P4HA1: variants seen among roughly 807,000 people sequenced by gnomAD.
The protein encoded by P4HA1 is prolyl 4-hydroxylase subunit alpha-1.
A neutral mutation model predicts 72.8 loss-of-function variants in P4HA1; 24 were observed. The observed-to-expected ratio is 0.33, with a 90% CI of 0.24 to 0.46. P4HA1 has a LOEUF of 0.46. Among genes scored for constraint, P4HA1 ranks in the 20% least tolerant of loss-of-function variants. P4HA1 has a pLI of 1.00. For synonymous variants in P4HA1, 201 were observed against 218.8 expected, an observed-to-expected ratio of 0.92 and a Z score of 0.72; for missense variants, 446 against 640.6, an observed-to-expected ratio of 0.70 and a Z score of 3.28.
At chr10:73,074,649 A>G (rs1263812793) in intron 2 of P4HA1, among the ~76,000 whole-genome samples, 159 bp downstream of exon 2, 3 of 152,178 alleles carry the variant, frequency 2.0e-5, no homozygotes, top group Non-Finnish European at 2.9e-5. Flanking sequence ...ATAAAAAATA[A>G]AGAAAATGTC....
chr10:73,074,090 A>C, intron 2 of P4HA1: 1 of 338,976 alleles, frequency 3.0e-6, no homozygotes, highest in Non-Finnish European at 5.3e-6. Context: ...TATATCTACA[A>C]ATGTATTTTT....
At chr10:73,021,672 A>C (rs1840138800) in intron 10 of P4HA1, among the ~76,000 whole-genome samples, 1 of 152,230 alleles carries the variant, frequency 6.6e-6, no homozygotes, top group South Asian at 2.1e-4. Context: ...AGAATGAGCC[A>C]AAGCAGGGCG....
At chr10:73,059,875 T>TTCAA (rs1841271353) in intron 5 of P4HA1, among the ~76,000 whole-genome samples, 1 of 150,080 alleles carries the variant, frequency 6.7e-6, no homozygotes, top group Admixed American at 6.6e-5. Context: ...AGCCCAGGAG[T>TTCAA]TCAAGGCTGC....
intron 9 of P4HA1, among the ~76,000 whole-genome samples, chr10:73,034,297 A>G (rs936044401): frequency 1.3e-5 from 2 of 150,298 alleles, no homozygotes; most frequent in African/African-American, 2.5e-5. Context: ...TAAAATATAT[A>G]TAACAGCAAT....
intron 10 of P4HA1, among the ~76,000 whole-genome samples, chr10:73,025,590 A>C (rs1039968276): frequency 6.6e-6 from 1 of 151,850 alleles, no homozygotes; most frequent in Non-Finnish European, 1.5e-5. Context: ...CCTATTCAAC[A>C]TAGTGTTGGA....
rs869244017 is a variant in P4HA1 at position 73,058,090 on chromosome 10, G to GAAA, written c.464-4503_464-4501dup. On this transcript the variant is annotated intron_variant, in intron 5 of 14. Coordinates refer to ENST00000394890, the MANE Select transcript of P4HA1 (RefSeq NM_001017962.3). ...GGGTGACAGAGCAAGACTCCGTCCA[G>GAAA]AAAAAAAAAAAAAAAAAAAAAAAAA... 7.8e-4 allele frequency among the ~76,000 whole-genome samples: 18 copies of GAAA among 23,070 alleles called. 1 individual carries two copies. Among genetic ancestry groups the GAAA allele is most frequent in the African/African-American group, 2.3e-3 (16 of 6,932 alleles). 15.1% of individuals were successfully genotyped at this position (23,070 alleles called of 152,430 possible).
At position 73,059,070 on chromosome 10, in the gene P4HA1, G is replaced by A. The variant is rs551032501; in HGVS notation, c.464-5480C>T. Among the ~76,000 whole-genome samples, 43 of 152,030 alleles carry A rather than the reference G, an allele frequency of 2.8e-4. No individual in the cohort carries two copies. The East Asian group carries it at 7.4e-3, about 26-fold the overall frequency. On this transcript the variant is annotated intron_variant, in intron 5 of 14. Transcript: ENST00000394890. The stretch of plus-strand genomic sequence containing the variant: ...TGGGATTACAGGTGTGAGCCACCAC[G>A]CCCAGCCAGTACGCTATCTTTTGTG...
intron 9 of P4HA1, among the ~76,000 whole-genome samples, chr10:73,037,572 T>TATATATATATA (rs1491362964): frequency 2.6e-4 from 4 of 15,376 alleles, no homozygotes; most frequent in East Asian, 3.5e-3. Context: ...TATATATATA[T>TATATATATATA]TTTTTTTTTT....
intron 1 of P4HA1, among the ~76,000 whole-genome samples, chr10:73,080,770 T>TA (rs1299178269): frequency 6.6e-6 from 1 of 151,906 alleles, no homozygotes; most frequent in Non-Finnish European, 1.5e-5. Context: ...CTACTAAAAA[T>TA]ACAAAAAATT....
intron 9 of P4HA1, chr10:73,043,861 TA>T: frequency 2.0e-6 from 3 of 1,529,686 alleles, no homozygotes; most frequent in East Asian, 2.2e-5. Context: ...CAAATATGAC[TA>T]AAGTTCTCTC....
At chr10:73,080,494 G>A (rs1409128604) in intron 1 of P4HA1, among the ~76,000 whole-genome samples, 7 of 152,222 alleles carry the variant, frequency 4.6e-5, no homozygotes, top group African/African-American at 1.2e-4. Context: ...TTATGTAAAA[G>A]TACAACTGAA....
chr10:73,074,328 C>T (rs766165724), intron 2 of P4HA1, among the ~76,000 whole-genome samples: 12 of 152,016 alleles, frequency 7.9e-5, no homozygotes, highest in South Asian at 4.1e-4. Flanking sequence ...GTATATAATA[C>T]TTATGGGCCA....
At chr10:73,045,774 CTT>C (rs1230728511) in intron 8 of P4HA1, among the ~76,000 whole-genome samples, 5 of 151,214 alleles carry the variant, frequency 3.3e-5, no homozygotes, top group African/African-American at 4.9e-5. Context: ...CAGAATATAA[CTT>C]GATCTCCAAG....
intron 9 of P4HA1, among the ~76,000 whole-genome samples, chr10:73,036,396 T>G (rs1840576931): frequency 1.3e-5 from 2 of 151,952 alleles, no homozygotes; most frequent in African/African-American, 4.8e-5. Flanking sequence ...CAAAATATAG[T>G]AACACTCCCT....
rs1324275970 is a variant in P4HA1 at position 73,059,958 on chromosome 10, T to C, written c.464-6368A>G. Among the ~76,000 whole-genome samples the C allele has an allele frequency of 2.6e-5, 4 of 151,234 alleles. 1 individual carries two copies. The highest frequency in any genetic ancestry group is 4.4e-5 in the Non-Finnish European group (3 of 67,812). On this transcript the variant is annotated intron_variant, in intron 5 of 14. Transcript: ENST00000394890. The stretch of plus-strand genomic sequence containing the variant: ...AGATATTGTTTCTAAAACAAACAAA[T>C]GAAAACAATGAATCAAAAGAAAAAA...
At chr10:73,089,593 TA>T (rs113318167) in intron 1 of P4HA1, among the ~76,000 whole-genome samples, 15 of 150,572 alleles carry the variant, frequency 1.0e-4, no homozygotes, top group African/African-American at 3.4e-4. Context: ...GTAAATGGGT[TA>T]AAAAAAATCA....
intron 5 of P4HA1, among the ~76,000 whole-genome samples, chr10:73,058,508 T>C (rs571876656): frequency 1.3e-5 from 2 of 152,258 alleles, no homozygotes; most frequent in South Asian, 4.1e-4. Flanking sequence ...GTACATCCTT[T>C]CCCTATGACA....
intron 4 of P4HA1, among the ~76,000 whole-genome samples, chr10:73,070,255 C>A (rs1841529481): frequency 7.2e-6 from 1 of 138,650 alleles, no homozygotes; most frequent in South Asian, 2.4e-4. Context: ...ACTCCCGGTT[C>A]AAGCAATTCT....
In P4HA1 at chr10:73,007,817, G is replaced by A. The variant is rs80159131; in HGVS notation, c.*405C>T. On this transcript the variant is annotated 3_prime_UTR_variant, in exon 15 of 15. Transcript: ENST00000394890. ...AACAGAGTAAGACACTAGGTAAACA[G>A]AACACCTAGGCACATCTGTAAGGCA... The A allele has an allele frequency of 6.4e-6, 1 of 155,052 alleles. No individual in the cohort carries two copies. The highest frequency in any genetic ancestry group is 2.4e-5 in the African/African-American group (1 of 41,068). 9.6% of individuals were successfully genotyped at this position (155,052 alleles called of 1,614,324 possible).
Sources: allele counts gnomAD v4.1 joint callset (sites outside exome capture counted in the v4.1 genomes callset), GRCh38; gene constraint gnomAD v4.1.1; transcripts MANE v1.5; gene names NCBI Gene and HGNC (gene_info 2026-07-23, HGNC 2026-07-21).